Variants in UVRAG observed in about 807,000 individuals in gnomAD.
UVRAG encodes UV radiation resistance-associated gene protein.
A neutral mutation model predicts 78.0 loss-of-function variants in UVRAG; 19 were observed. That is an observed-to-expected ratio of 0.24 (90% CI 0.17 to 0.36). UVRAG has a LOEUF of 0.36. Among genes scored for constraint, UVRAG ranks in the 10% least tolerant of loss-of-function variants. UVRAG has a pLI of 1.00. For synonymous variants in UVRAG, 323 were observed against 324.6 expected (o/e 1.00, Z 0.05); for missense variants, 740 against 853.8 (o/e 0.87, Z 1.66).
At chr11:76,130,775 A>G (rs1376513010) in intron 14 of UVRAG, among the ~76,000 whole-genome samples, 1 of 152,152 alleles carries the variant, frequency 6.6e-6, no homozygotes, top group Non-Finnish European at 1.5e-5. Context: ...TGGGAGTCTA[A>G]TGCATCCTTT....
intron 14 of UVRAG, among the ~76,000 whole-genome samples, chr11:76,133,721 A>C (rs190362981): frequency 1.3e-5 from 2 of 152,242 alleles, no homozygotes; most frequent in East Asian, 3.9e-4. Context: ...GGACAATTGG[A>C]ATGTACCTCA....
intron 4 of UVRAG, among the ~76,000 whole-genome samples, chr11:75,881,931 C>T (rs1376244007): frequency 2.0e-5 from 3 of 152,140 alleles, no homozygotes; most frequent in Non-Finnish European, 4.4e-5. Context: ...ACAGCTGGAG[C>T]TAAGATTTAA....
At chr11:75,938,908 A>C (rs933130628) in intron 6 of UVRAG, among the ~76,000 whole-genome samples, 1 of 152,026 alleles carries the variant, frequency 6.6e-6, no homozygotes, top group Non-Finnish European at 1.5e-5. Flanking sequence ...TCTTTCTTCT[A>C]CACTCAGGTA....
At chr11:75,875,844 GCCTGGCTCTTGAATTATGT>G (rs1255524786) in intron 3 of UVRAG, among the ~76,000 whole-genome samples, 66 of 152,088 alleles carry the variant, frequency 4.3e-4, no homozygotes, top group African/African-American at 1.5e-3. Flanking sequence ...TGGGACCTGG[GCCTGGCTCTTGAATTATGT>G]CCTTGCTTCC....
At chr11:76,004,964 TC>T (rs1333822817) in intron 9 of UVRAG, among the ~76,000 whole-genome samples, 1 of 152,220 alleles carries the variant, frequency 6.6e-6, no homozygotes, top group Non-Finnish European at 1.5e-5. Context: ...GTACCTCTGT[TC>T]TTTTGGTCAT....
At chr11:76,121,561 A>G (rs1018994127) in intron 14 of UVRAG, among the ~76,000 whole-genome samples, 6 of 152,212 alleles carry the variant, frequency 3.9e-5, no homozygotes, top group African/African-American at 1.4e-4. Flanking sequence ...GTAAGACAAC[A>G]AGTTTAGAAC....
intron 12 of UVRAG, among the ~76,000 whole-genome samples, chr11:76,020,064 T>G (rs972335147): frequency 4.6e-5 from 7 of 152,138 alleles, no homozygotes; most frequent in African/African-American, 7.2e-5. Context: ...TCCTTCCCAC[T>G]TTTCCCTCTC....
chr11:76,002,613 A>G lies in UVRAG; in HGVS notation c.827-1392A>G, dbSNP rs77173388. 8.9e-3 allele frequency among the ~76,000 whole-genome samples: 1,351 copies of G among 152,312 alleles called. 22 individuals carry two copies. The highest frequency in any genetic ancestry group is 0.031 in the African/African-American group (1,287 of 41,564). On this transcript the variant is annotated intron_variant, in intron 8 of 14. Coordinates refer to ENST00000356136, the MANE Select transcript of UVRAG (RefSeq NM_003369.4). ...TTTCTGATGAAGTATGTGGGGATAG[A>G]GGGTGTCAACCTAAATGTCTTAAAA...
intron 6 of UVRAG, among the ~76,000 whole-genome samples, chr11:75,936,862 G>A (rs1411214695): frequency 6.6e-6 from 1 of 152,122 alleles, no homozygotes; most frequent in African/African-American, 2.4e-5. Context: ...AAACTCAAGG[G>A]ATTCTCTCAT....
At chr11:75,819,074 T>A (rs1356542181) in intron 1 of UVRAG, among the ~76,000 whole-genome samples, 1 of 152,200 alleles carries the variant, frequency 6.6e-6, no homozygotes, top group African/African-American at 2.4e-5. Context: ...TGTATTTTCA[T>A]TTTAGGATAG....
At chr11:75,856,321 A>G (rs986091747) in intron 2 of UVRAG, among the ~76,000 whole-genome samples, 1 of 152,068 alleles carries the variant, frequency 6.6e-6, no homozygotes, top group Non-Finnish European at 1.5e-5. Flanking sequence ...TGTTTTTCAT[A>G]GTTATTTTCT....
At chr11:75,919,287 G>A (rs984584970) in intron 6 of UVRAG, among the ~76,000 whole-genome samples, 5 of 152,006 alleles carry the variant, frequency 3.3e-5, no homozygotes, top group African/African-American at 1.2e-4. Flanking sequence ...ACAGAATACA[G>A]CTAAGAACCC....
Position 76,141,977 on chromosome 11 carries a change from ACTGTCGCCCCAT to A in UVRAG, c.*567_*578del, listed in dbSNP as rs1952731482. The A allele has an allele frequency of 6.5e-6, 1 of 153,350 alleles. No individual in the cohort carries two copies. The highest frequency in any genetic ancestry group is 1.4e-5 in the Non-Finnish European group (1 of 68,980). 9.5% of individuals were successfully genotyped at this position (153,350 alleles called of 1,614,324 possible). The stretch of plus-strand genomic sequence containing the variant: ...GTACCACAGTCCACCTTTAGACCCT[ACTGTCGCCCCAT>A]CTTCTCCGTGGATGGGCCATGCGTC... On this transcript the variant is annotated 3_prime_UTR_variant, in exon 15 of 15. Coordinates refer to ENST00000356136, the MANE Select transcript of UVRAG (RefSeq NM_003369.4).
At chr11:75,919,225 A>ATT (rs34503407) in intron 6 of UVRAG, among the ~76,000 whole-genome samples, 4 of 148,614 alleles carry the variant, frequency 2.7e-5, no homozygotes, top group African/African-American at 9.8e-5. Flanking sequence ...GCAGGAAGAG[A>ATT]TTTTTTTTTT....
At chr11:76,108,645 C>G (rs907210979) in intron 13 of UVRAG, among the ~76,000 whole-genome samples, 1 of 152,172 alleles carries the variant, frequency 6.6e-6, no homozygotes, top group African/African-American at 2.4e-5. Context: ...GAGAGGAAAA[C>G]AGAGAGAACA....
At chr11:76,095,160 G>A (rs1361131873) in intron 13 of UVRAG, among the ~76,000 whole-genome samples, 3 of 152,224 alleles carry the variant, frequency 2.0e-5, no homozygotes, top group South Asian at 2.1e-4. Context: ...CCTGGCTCAC[G>A]GAGTTTGAAA....
chr11:75,864,003 G>T (rs532613314), intron 3 of UVRAG, among the ~76,000 whole-genome samples: 1 of 151,350 alleles, frequency 6.6e-6, no homozygotes, highest in Non-Finnish European at 1.5e-5. Context: ...GGTATTCTTT[G>T]AGATTTTGGC....
chr11:76,105,265 C>T lies in UVRAG; in HGVS notation c.1306-10659C>T, dbSNP rs548444901. ...ACTAAAAATACAAAAATTAGCCAGACGTGGTGGTGCACACCTGTAGTCCCA... is the reference window on the plus strand; with the variant it reads ...ACTAAAAATACAAAAATTAGCCAGATGTGGTGGTGCACACCTGTAGTCCCA... On this transcript the variant is annotated intron_variant, in intron 13 of 14. Coordinates refer to ENST00000356136, the MANE Select transcript of UVRAG (RefSeq NM_003369.4). Among the ~76,000 whole-genome samples the T allele has an allele frequency of 5.3e-5, 8 of 152,164 alleles. No homozygotes were observed. The East Asian group carries it at 9.6e-4, about 18-fold the overall frequency.
At chr11:76,038,994 C>CA (rs1950592527) in intron 12 of UVRAG, among the ~76,000 whole-genome samples, 1 of 152,236 alleles carries the variant, frequency 6.6e-6, no homozygotes, top group African/African-American at 2.4e-5. Context: ...GCAGAGAACT[C>CA]ATTTATACTG....
Sources: allele counts gnomAD v4.1 joint callset (sites outside exome capture counted in the v4.1 genomes callset), GRCh38; gene constraint gnomAD v4.1.1; transcripts MANE v1.5; gene names NCBI Gene and HGNC (gene_info 2026-07-23, HGNC 2026-07-21).